C11orf87: variants seen among roughly 807,000 people sequenced by gnomAD.
C11orf87 encodes uncharacterized protein C11orf87.
Under a neutral mutation model 9.2 loss-of-function variants are expected in C11orf87, and 3 were observed. The observed-to-expected ratio is 0.33, with a 90% confidence interval of 0.15 to 0.84. The LOEUF is 0.84. Ranked by LOEUF, C11orf87 falls within the 40% of genes least tolerant of loss-of-function variation. The probability of loss-of-function intolerance (pLI) is 0.55; values close to 1 mark genes in which losing one functional copy is unlikely to be tolerated. For missense variants in C11orf87, 256 were observed against 270.7 expected, an observed-to-expected ratio of 0.95 and a Z score of 0.38; for synonymous variants, 124 against 124.6, an observed-to-expected ratio of 1.00 and a Z score of 0.03.
Position 109,424,195 on chromosome 11 carries a change from G to A in C11orf87, c.562G>A (p.Glu188Lys), listed in dbSNP as rs201132519. 6.2e-7 allele frequency: 1 copy of A among 1,614,134 alleles called. No individual in the cohort carries two copies. Among genetic ancestry groups the A allele is most frequent in the East Asian group, 2.2e-5 (1 of 44,858 alleles). The change falls in exon 2 of 2, where the codon GAG becomes AAG. Residue 188 changes from glutamate (E) to lysine (K), a missense_variant. Physicochemically the swap from Glu to Lys is moderately conservative, Grantham distance 56. Transcript: ENST00000327419. This position sits in a 1 kb window ranked among gnomAD's most constrained non-coding sequence, Gnocchi z 4.7. ...AASSCLDTAG[E>K]GLLQTVVLS ...TTCCTCCTGTTTGGACACAGCTGGC[G>A]AGGGCCTTTTGCAAACGGTGGTACT...
In C11orf87 at chr11:109,426,494, C is replaced by T. The variant is rs1219198509; in HGVS notation, c.*2267C>T. On this transcript the variant is annotated 3_prime_UTR_variant, in exon 2 of 2. Coordinates refer to ENST00000327419, the MANE Select transcript of C11orf87 (RefSeq NM_207645.4). ...CCTTTCCTGAAGCACAGAAGATCAT[C>T]ATTGAAGCATGCCATCTTGTAATAT... 2 of 152,202 alleles carry T rather than the reference C, an allele frequency of 1.3e-5. No individual in the cohort carries two copies. Among genetic ancestry groups the T allele is most frequent in the Non-Finnish European group, 2.9e-5 (2 of 68,028 alleles). 9.4% of individuals were successfully genotyped at this position (152,202 alleles called of 1,614,324 possible).
At position 109,424,041 on chromosome 11, in the gene C11orf87, G is replaced by A; in HGVS notation, c.408G>A (p.Arg136=). The A allele has an allele frequency of 6.2e-7, 1 of 1,613,958 alleles. No homozygotes were observed. Among genetic ancestry groups the A allele is most frequent in the Non-Finnish European group, 8.5e-7 (1 of 1,180,004 alleles). ...AKETRLERQP[R]DSPFCAPSNA... is the part of the protein sequence containing the mutation. ...AAACCCGGCTGGAGAGGCAGCCCCG[G>A]GACTCTCCCTTCTGCGCCCCTTCCA... Residue 136 remains arginine, a synonymous_variant, in exon 2 of 2, where the codon CGG becomes CGA. Coordinates refer to ENST00000327419, the MANE Select transcript of C11orf87 (RefSeq NM_207645.4). The surrounding 1 kb of genome is among the most constrained non-coding windows in gnomAD (Gnocchi z 4.7).
rs978873542 is a variant in C11orf87 at position 109,428,121 on chromosome 11, G to A, written c.*3894G>A. The A allele has an allele frequency of 2.6e-5, 4 of 152,088 alleles. No homozygotes were observed. Among genetic ancestry groups the A allele is most frequent in the African/African-American group, 4.8e-5 (2 of 41,422 alleles). 9.4% of individuals were successfully genotyped at this position (152,088 alleles called of 1,614,324 possible). A position where few individuals can be genotyped will look rare whatever the true frequency, so the allele number is the denominator to read the frequency against. On this transcript the variant is annotated 3_prime_UTR_variant, in exon 2 of 2. Coordinates refer to ENST00000327419, the MANE Select transcript of C11orf87 (RefSeq NM_207645.4). ...ATAATAAAGTTATGACCATATCAAT[G>A]TGGTCTAAATATCTAGATGGAAAGC...
In C11orf87 at chr11:109,424,003, A is replaced by G. The variant is rs1319699675; in HGVS notation, c.370A>G (p.Thr124Ala). Residue 124 changes from threonine (T) to alanine (A), a missense_variant, in exon 2 of 2, where the codon ACC (threonine) becomes GCC (alanine). Coordinates refer to ENST00000327419, the MANE Select transcript of C11orf87 (RefSeq NM_207645.4). The surrounding 1 kb of genome is among the most constrained non-coding windows in gnomAD (Gnocchi z 4.7). ...GCCCCGACCTGGCAGGCAGGCCCCAACCCACGCAAAGGAAACCCGGCTGGA... is the reference window on the plus strand; with the variant it reads ...GCCCCGACCTGGCAGGCAGGCCCCAGCCCACGCAAAGGAAACCCGGCTGGA... ...GLPRPGRQAP[T>A]HAKETRLERQ... 2 of 1,613,774 alleles carry G rather than the reference A, an allele frequency of 1.2e-6. No homozygotes were observed. The highest frequency in any genetic ancestry group is 2.2e-5 in the East Asian group (1 of 44,862).
In C11orf87 at chr11:109,425,182, A is replaced by C. The variant is rs1382727084; in HGVS notation, c.*955A>C. 1 of 166,932 alleles carries C rather than the reference A, an allele frequency of 6.0e-6. No individual in the cohort carries two copies. The highest frequency in any genetic ancestry group is 1.5e-5 in the Non-Finnish European group (1 of 68,096). The allele number at this position is 166,932 out of a possible 1,614,324, so 10.3% of individuals were successfully genotyped here. A position where few individuals can be genotyped will look rare whatever the true frequency, so the allele number is the denominator to read the frequency against. On this transcript the variant is annotated 3_prime_UTR_variant, in exon 2 of 2. Coordinates refer to ENST00000327419, the MANE Select transcript of C11orf87 (RefSeq NM_207645.4). The stretch of plus-strand genomic sequence containing the variant: ...AGAGGAGGGGCTGTTTTGGAAAGTG[A>C]CTATTCTGGCTTTTGGTTGGGTTCT...
chr11:109,424,208 A>C lies in C11orf87; in HGVS notation c.575A>C (p.Gln192Pro), dbSNP rs777729632. The C allele has an allele frequency of 6.2e-7, 1 of 1,614,048 alleles. No homozygotes were observed. The highest frequency in any genetic ancestry group is 1.3e-5 in the African/African-American group (1 of 75,036). The stretch of plus-strand genomic sequence containing the variant: ...GACACAGCTGGCGAGGGCCTTTTGC[A>C]AACGGTGGTACTGTCCTGATCGTCT... ...CLDTAGEGLL[Q>P]TVVLS Residue 192 changes from glutamine (Q) to proline (P), a missense_variant, in exon 2 of 2, where the codon CAA becomes CCA. Gln to Pro is a moderately conservative substitution (Grantham distance 76). Transcript: ENST00000327419. This position sits in a 1 kb window ranked among gnomAD's most constrained non-coding sequence, Gnocchi z 4.7.
At position 109,426,221 on chromosome 11, in the gene C11orf87, G is replaced by T. The variant is rs1189626395; in HGVS notation, c.*1994G>T. On this transcript the variant is annotated 3_prime_UTR_variant, in exon 2 of 2. Coordinates refer to ENST00000327419, the MANE Select transcript of C11orf87 (RefSeq NM_207645.4). ...GAAAATGTATGAATGAAAGTGATCT[G>T]CAAAAAGCTCTACCAAGAGAGTCCT... is the stretch of plus-strand genomic sequence containing the variant. The T allele has an allele frequency of 6.6e-6, 1 of 152,120 alleles. No homozygotes were observed. The highest frequency in any genetic ancestry group is 2.4e-5 in the African/African-American group (1 of 41,426). The allele number at this position is 152,120 out of a possible 1,614,324, so 9.4% of individuals were successfully genotyped here. A position where few individuals can be genotyped will look rare whatever the true frequency, so the allele number is the denominator to read the frequency against.
In C11orf87 at chr11:109,426,009, ATATTT is replaced by A. The variant is rs1860568422; in HGVS notation, c.*1787_*1791del. On this transcript the variant is annotated 3_prime_UTR_variant, in exon 2 of 2. Coordinates refer to ENST00000327419, the MANE Select transcript of C11orf87 (RefSeq NM_207645.4). ...AAAAGAAAGTGAGAAAATAAGATAA[ATATTT>A]TATTATTTTCTAATGCCAGACAAGG... 1 of 152,174 alleles carries A rather than the reference ATATTT, an allele frequency of 6.6e-6. No homozygotes were observed. The highest frequency in any genetic ancestry group is 1.5e-5 in the Non-Finnish European group (1 of 68,030). The allele number at this position is 152,174 out of a possible 1,614,324, so 9.4% of individuals were successfully genotyped here. A position where few individuals can be genotyped will look rare whatever the true frequency, so the allele number is the denominator to read the frequency against.
In C11orf87 at chr11:109,424,201, C is replaced by G. The variant is rs756043337; in HGVS notation, c.568C>G (p.Leu190Val). 1.9e-6 allele frequency: 3 copies of G among 1,614,150 alleles called. No homozygotes were observed. Among genetic ancestry groups the G allele is most frequent in the Non-Finnish European group, 2.5e-6 (3 of 1,179,996 alleles). The change falls in exon 2 of 2, where the codon CTT (leucine) becomes GTT (valine). Residue 190 changes from leucine to valine, a missense_variant. By Grantham distance (32) the Leu-to-Val change is conservative (BLOSUM62 1). Transcript: ENST00000327419. The surrounding 1 kb of genome is among the most constrained non-coding windows in gnomAD (Gnocchi z 4.7). ...SSCLDTAGEG[L>V]LQTVVLS ...CTGTTTGGACACAGCTGGCGAGGGC[C>G]TTTTGCAAACGGTGGTACTGTCCTG... is the stretch of plus-strand genomic sequence containing the variant.
chr11:109,426,413 C>G lies in C11orf87; in HGVS notation c.*2186C>G, dbSNP rs1190614451. ...TATTAAATTGCCCAAGCTCAGTTTG[C>G]ATCTTTTATAAAAATAATTTAATAA... On this transcript the variant is annotated 3_prime_UTR_variant, in exon 2 of 2. Transcript: ENST00000327419. 6.6e-6 allele frequency: 1 copy of G among 152,202 alleles called. No individual in the cohort carries two copies. Among genetic ancestry groups the G allele is most frequent in the Non-Finnish European group, 1.5e-5 (1 of 68,032 alleles). The allele number at this position is 152,202 out of a possible 1,614,324, so 9.4% of individuals were successfully genotyped here.
At position 109,423,758 on chromosome 11, in the gene C11orf87, G is replaced by C; in HGVS notation, c.125G>C (p.Gly42Ala). Residue 42 changes from glycine (G) to alanine (A), a missense_variant, in exon 2 of 2, where the codon GGC (glycine) becomes GCC (alanine). Coordinates refer to ENST00000327419, the MANE Select transcript of C11orf87 (RefSeq NM_207645.4). The surrounding 1 kb of genome is among the most constrained non-coding windows in gnomAD (Gnocchi z 5.3). ...NTGARGPGAV[G>A]SGTCITQVGQ... ...GGTGCCCGCGGCCCAGGCGCAGTAG[G>C]CAGCGGCACCTGCATCACGCAGGTG... The C allele has an allele frequency of 1.2e-6, 2 of 1,614,038 alleles. No homozygotes were observed. Among genetic ancestry groups the C allele is most frequent in the South Asian group, 2.2e-5 (2 of 91,082 alleles).
chr11:109,423,539 TG>T lies in C11orf87; in HGVS notation c.-92del. 7.7e-7 allele frequency: 1 copy of T among 1,292,078 alleles called. No homozygotes were observed. The highest frequency in any genetic ancestry group is 1.0e-6 in the Non-Finnish European group (1 of 957,756). The allele number at this position is 1,292,078 out of a possible 1,614,324, so 80.0% of individuals were successfully genotyped here. ...CCCCTCCCGCTACAGGGAGCAGTTTTGGGTGGCGTGGGCTCCGTCCTCTTCT... is the reference window on the plus strand; with the variant it reads ...CCCCTCCCGCTACAGGGAGCAGTTTTGGTGGCGTGGGCTCCGTCCTCTTCT... On this transcript the variant is annotated 5_prime_UTR_variant, in exon 2 of 2. Coordinates refer to ENST00000327419, the MANE Select transcript of C11orf87 (RefSeq NM_207645.4). This position sits in a 1 kb window ranked among gnomAD's most constrained non-coding sequence, Gnocchi z 5.3.
rs776785014 is a variant in C11orf87, at chr11:109,428,090, G to T, written c.*3863G>T. On this transcript the variant is annotated 3_prime_UTR_variant, in exon 2 of 2. Transcript: ENST00000327419. ...TTCCTAGGTTAGTGACTCAAATGTA[G>T]CAATGATAATAAAGTTATGACCATA... 2 of 152,046 alleles carry T rather than the reference G, an allele frequency of 1.3e-5. No individual in the cohort carries two copies. Among genetic ancestry groups the T allele is most frequent in the Non-Finnish European group, 1.5e-5 (1 of 67,958 alleles). 9.4% of individuals were successfully genotyped at this position (152,046 alleles called of 1,614,324 possible).
rs1860513092 is a variant in C11orf87 at position 109,422,916 on chromosome 11, G to A, written c.-259-459G>A. ...TGTCCAGGGAGGGCGAGTCTGGACGGGGAGGGAAAGGAAGGGAGGACTGCG... is the reference window on the plus strand; with the variant it reads ...TGTCCAGGGAGGGCGAGTCTGGACGAGGAGGGAAAGGAAGGGAGGACTGCG... On this transcript the variant is annotated intron_variant, in intron 1 of 1. Transcript: ENST00000327419. Among the ~76,000 whole-genome samples, 3 of 151,698 alleles carry A rather than the reference G, an allele frequency of 2.0e-5. No individual in the cohort carries two copies. The South Asian group carries it at 6.2e-4, about 32-fold the overall frequency.
At position 109,425,941 on chromosome 11, in the gene C11orf87, C is replaced by T. The variant is rs1465863166; in HGVS notation, c.*1714C>T. On this transcript the variant is annotated 3_prime_UTR_variant, in exon 2 of 2. Coordinates refer to ENST00000327419, the MANE Select transcript of C11orf87 (RefSeq NM_207645.4). ...GCAGCAAAAGAAAGGCTCTCTTTCT[C>T]AGTCTGTCCTAACTTCACTGAACAT... The T allele has an allele frequency of 6.6e-6, 1 of 152,188 alleles. No individual in the cohort carries two copies. Among genetic ancestry groups the T allele is most frequent in the Non-Finnish European group, 1.5e-5 (1 of 68,032 alleles). 9.4% of individuals were successfully genotyped at this position (152,188 alleles called of 1,614,324 possible). A position where few individuals can be genotyped will look rare whatever the true frequency, so the allele number is the denominator to read the frequency against.
chr11:109,423,289 G>T lies in C11orf87; in HGVS notation c.-259-86G>T. 1 of 362,020 alleles carries T rather than the reference G, an allele frequency of 2.8e-6. No homozygotes were observed. Among genetic ancestry groups the T allele is most frequent in the Non-Finnish European group, 5.0e-6 (1 of 198,238 alleles). The allele number at this position is 362,020 out of a possible 1,614,324, so 22.4% of individuals were successfully genotyped here. ...CCAGCTCAGGCAGTGTGCCCAGAGG[G>T]CCGCTTTGCGGTGGTGGTTGATCTT... On this transcript the variant is annotated intron_variant, in intron 1 of 1. Coordinates refer to ENST00000327419, the MANE Select transcript of C11orf87 (RefSeq NM_207645.4). This position sits in a 1 kb window ranked among gnomAD's most constrained non-coding sequence, Gnocchi z 5.3.
In C11orf87 at chr11:109,424,076, C is replaced by CGTT; in HGVS notation, c.446_448dup (p.Leu149dup). 1.2e-6 allele frequency: 2 copies of CGTT among 1,613,962 alleles called. No individual in the cohort carries two copies. Among genetic ancestry groups the CGTT allele is most frequent in the Non-Finnish European group, 1.7e-6 (2 of 1,180,026 alleles). ...TTCTGCGCCCCTTCCAACGCCTCGT[C>CGTT]GTTGTCCTCTTCGTCCCCTGGCCTC... On this transcript the variant is annotated inframe_insertion, in exon 2 of 2. Transcript: ENST00000327419. The surrounding 1 kb of genome is among the most constrained non-coding windows in gnomAD (Gnocchi z 4.7).
Position 109,423,658 on chromosome 11 carries a change from C to T in C11orf87, c.25C>T (p.Leu9=). 1.9e-6 allele frequency: 3 copies of T among 1,604,600 alleles called. No individual in the cohort carries two copies. The highest frequency in any genetic ancestry group is 2.5e-6 in the Non-Finnish European group (3 of 1,179,478). The change falls in exon 2 of 2, where the codon CTG becomes TTG. Residue 9 remains leucine, a synonymous_variant. Transcript: ENST00000327419. The surrounding 1 kb of genome is among the most constrained non-coding windows in gnomAD (Gnocchi z 5.3). ...AATGAGTGCCAGGGCGCCGAAGGAGCTGAGGCTGGCGTTGCCGCCGTGTCT... is the reference window on the plus strand; with the variant it reads ...AATGAGTGCCAGGGCGCCGAAGGAGTTGAGGCTGGCGTTGCCGCCGTGTCT... MSARAPKE[L]RLALPPCLLN... is the part of the protein sequence containing the mutation.
At position 109,424,186 on chromosome 11, in the gene C11orf87, A is replaced by T; in HGVS notation, c.553A>T (p.Thr185Ser). 1 of 1,614,162 alleles carries T rather than the reference A, an allele frequency of 6.2e-7. No individual in the cohort carries two copies. The highest frequency in any genetic ancestry group is 8.5e-7 in the Non-Finnish European group (1 of 1,180,036). Residue 185 changes from threonine (T) to serine (S), a missense_variant, in exon 2 of 2, where the codon ACA (threonine) becomes TCA (serine). By Grantham distance (58) the Thr-to-Ser change is moderately conservative. Coordinates refer to ENST00000327419, the MANE Select transcript of C11orf87 (RefSeq NM_207645.4). The surrounding 1 kb of genome is among the most constrained non-coding windows in gnomAD (Gnocchi z 4.7). ...GAHAASSCLD[T>S]AGEGLLQTVV... ...ACACGCAGCTTCCTCCTGTTTGGAC[A>T]CAGCTGGCGAGGGCCTTTTGCAAAC...
Sources: allele counts gnomAD v4.1 joint callset (sites outside exome capture counted in the v4.1 genomes callset), GRCh38; gene constraint gnomAD v4.1.1; non-coding constraint Gnocchi (gnomAD v3.1); transcripts MANE v1.5; gene names NCBI Gene and HGNC (gene_info 2026-07-23, HGNC 2026-07-21).